Variants in GRIP1 observed in about 807,000 individuals in gnomAD.
The protein encoded by GRIP1 is glutamate receptor interacting protein 1, also known as glutamate receptor-interacting protein 1.
A neutral mutation model predicts 129.9 loss-of-function variants in GRIP1; 45 were observed. That is an observed-to-expected ratio of 0.35 (90% CI 0.27 to 0.44). The LOEUF (loss-of-function observed/expected upper bound fraction) is 0.44. GRIP1 is among the 20% of genes least tolerant of loss of function. The probability of loss-of-function intolerance (pLI) is 1.00; values close to 1 mark genes in which losing one functional copy is unlikely to be tolerated. For missense variants in GRIP1, 1,196 were observed against 1,396.8 expected (o/e 0.86, Z 2.29); for synonymous variants, 530 against 520.8 (o/e 1.02, Z -0.24).
chr12:66,491,923 A>G (rs1408282878), intron 7 of GRIP1, among the ~76,000 whole-genome samples: 1 of 152,182 alleles, frequency 6.6e-6, no homozygotes, highest in Non-Finnish European at 1.5e-5. Flanking sequence ...CCTCAATCTA[A>G]AAATAGTCGG....
intron 1 of GRIP1, among the ~76,000 whole-genome samples, chr12:66,693,684 C>T (rs949271695): frequency 6.6e-6 from 1 of 152,096 alleles, no homozygotes; most frequent in South Asian, 2.1e-4. Flanking sequence ...AAGTGGACCA[C>T]GGACTCCCTA....
chr12:66,657,804 T>C lies in GRIP1; in HGVS notation c.55+21046A>G, dbSNP rs56159309. On this transcript the variant is annotated intron_variant, in intron 1 of 24. Coordinates refer to ENST00000359742, the MANE Select transcript of GRIP1 (RefSeq NM_001366722.1). ...AAATGTATGACTCTTCCTAGATGGA[T>C]AAGAGAAAAACAACAGACAAAGCAC... Among the ~76,000 whole-genome samples, 1,012 of 152,234 alleles carry C rather than the reference T, an allele frequency of 6.6e-3. 13 individuals are homozygous for C. The highest frequency in any genetic ancestry group is 0.023 in the African/African-American group (959 of 41,534).
intron 1 of GRIP1, among the ~76,000 whole-genome samples, chr12:66,932,673 G>GT (rs1472899524): frequency 6.6e-6 from 1 of 151,576 alleles, no homozygotes; most frequent in Non-Finnish European, 1.5e-5. Flanking sequence ...TTTTGTTTTT[G>GT]TTTTTTGTTT....
chr12:66,614,294 C>A (rs2064941710), intron 1 of GRIP1, among the ~76,000 whole-genome samples: 1 of 152,054 alleles, frequency 6.6e-6, no homozygotes, highest in African/African-American at 2.4e-5. Context: ...TATCTGGCAT[C>A]TCTGCTTGAA....
chr12:66,894,417 T>C (rs911600914), intron 1 of GRIP1, among the ~76,000 whole-genome samples: 1 of 152,330 alleles, frequency 6.6e-6, no homozygotes, highest in Non-Finnish European at 1.5e-5. Context: ...TTGGTTGTCC[T>C]ACAACCAAGG....
At chr12:66,815,854 T>TTCTTTCTTTCTTTCTTTCTTTCTC (rs1555241802) in intron 1 of GRIP1, among the ~76,000 whole-genome samples, 2,773 of 116,478 alleles carry the variant, frequency 0.024, 49 homozygotes, top group Admixed American at 0.036. Context: ...CTTTCTTTCT[T>TTCTTTCTTTCTTTCTTTCTTTCTC]TCTCTCTCTC....
At chr12:66,396,681 C>G (rs1459775461) in intron 16 of GRIP1, among the ~76,000 whole-genome samples, 1 of 152,128 alleles carries the variant, frequency 6.6e-6, no homozygotes, top group African/African-American at 2.4e-5. Flanking sequence ...AATGGTACCT[C>G]TTAACTAAGA....
chr12:66,807,840 C>T (rs1027813906), upstream of GRIP1, among the ~76,000 whole-genome samples: 1 of 151,896 alleles, frequency 6.6e-6, no homozygotes, highest in African/African-American at 2.4e-5. Context: ...ATTTTTTATA[C>T]ATAACCCAGT....
intron 1 of GRIP1, among the ~76,000 whole-genome samples, chr12:66,783,060 A>T (rs529872471): frequency 2.6e-4 from 39 of 151,280 alleles, no homozygotes; most frequent in African/African-American, 8.5e-4. Context: ...TTTTTTTAAG[A>T]CACTCTGTCA....
intron 1 of GRIP1, among the ~76,000 whole-genome samples, chr12:66,983,484 A>T (rs957996998): frequency 2.0e-5 from 3 of 152,182 alleles, no homozygotes; most frequent in Non-Finnish European, 4.4e-5. Context: ...TTTAACTCTT[A>T]GCAATATTTT....
At chr12:66,429,112 A>T (rs2058069751) in intron 14 of GRIP1, among the ~76,000 whole-genome samples, 1 of 152,230 alleles carries the variant, frequency 6.6e-6, no homozygotes, top group African/African-American at 2.4e-5. Context: ...AATTAGTCTG[A>T]AACTGCTCAC....
chr12:66,699,650 T>C (rs552682896), intron 1 of GRIP1, among the ~76,000 whole-genome samples: 9 of 152,286 alleles, frequency 5.9e-5, no homozygotes, highest in Admixed American at 2.6e-4. Flanking sequence ...GTCTTTATTA[T>C]CAGTGTGAGA....
chr12:66,801,524 C>A (rs1313504570), intron 1 of GRIP1, among the ~76,000 whole-genome samples: 4 of 152,026 alleles, frequency 2.6e-5, no homozygotes, highest in Non-Finnish European at 5.9e-5. Context: ...ATAAGTGATG[C>A]TGTATTTAAG....
At chr12:66,795,337 T>A (rs1485706948) in intron 1 of GRIP1, among the ~76,000 whole-genome samples, 1 of 152,160 alleles carries the variant, frequency 6.6e-6, no homozygotes, top group Non-Finnish European at 1.5e-5. Context: ...CAAATGTTAT[T>A]TTCTGCACCT....
intron 1 of GRIP1, among the ~76,000 whole-genome samples, chr12:66,693,815 T>C (rs1259097288): frequency 6.6e-6 from 1 of 152,186 alleles, no homozygotes; most frequent in Non-Finnish European, 1.5e-5. Flanking sequence ...ATTTTAAAAA[T>C]AGAAATTATA....
chr12:66,582,498 T>G (rs1285616718), intron 2 of GRIP1, among the ~76,000 whole-genome samples: 1 of 148,460 alleles, frequency 6.7e-6, no homozygotes, highest in Non-Finnish European at 1.5e-5. Flanking sequence ...ATTGTATATC[T>G]AGAAAACCCC....
At chr12:66,531,247 AAAAAAATATATATATATATATATATATAT>A (rs761258009) in intron 4 of GRIP1, among the ~76,000 whole-genome samples, 8,961 of 60,716 alleles carry the variant, frequency 0.15, 724 homozygotes, top group South Asian at 0.3. Flanking sequence ...AAAAAAAAAA[AAAAAAATATATATATATATATATATATAT>A]ATATATATAT....
At chr12:66,595,017 G>T (rs1940771406) in intron 2 of GRIP1, among the ~76,000 whole-genome samples, 1 of 152,092 alleles carries the variant, frequency 6.6e-6, no homozygotes, top group South Asian at 2.1e-4. Flanking sequence ...AACTACTTTG[G>T]TTTCTTAGCC....
chr12:66,672,840 G>A (rs2034144721), intron 1 of GRIP1, among the ~76,000 whole-genome samples: 1 of 152,092 alleles, frequency 6.6e-6, no homozygotes, highest in Non-Finnish European at 1.5e-5. Context: ...GCTAACATGA[G>A]TATAAAACAG....
Sources: allele counts gnomAD v4.1 joint callset (sites outside exome capture counted in the v4.1 genomes callset), GRCh38; gene constraint gnomAD v4.1.1; transcripts MANE v1.5; gene names NCBI Gene and HGNC (gene_info 2026-07-23, HGNC 2026-07-21).